STAC2: variants seen among roughly 807,000 people sequenced by gnomAD.
STAC2 encodes the protein SH3 and cysteine rich domain 2.
A neutral mutation model predicts 49.0 loss-of-function variants in STAC2; 36 were observed. That is an observed-to-expected ratio of 0.74 (90% CI 0.56 to 0.97). The LOEUF (loss-of-function observed/expected upper bound fraction) is 0.97, where lower values mean the gene tolerates loss of function less well. Among genes scored for constraint, STAC2 ranks in the 50% least tolerant of loss-of-function variants. The pLI is 0.00. For missense variants in STAC2, 527 were observed against 543.8 expected, an observed-to-expected ratio of 0.97 and a Z score of 0.31; for synonymous variants, 239 against 214.7, an observed-to-expected ratio of 1.11 and a Z score of -0.99.
intron 2 of STAC2, 144 bp from the exon 3 acceptor site, chr17:39,217,317 G>T (rs2046414613): frequency 2.7e-6 from 2 of 732,374 alleles, no homozygotes; most frequent in Non-Finnish European, 4.6e-6. Flanking sequence ...CACAGTCAGG[G>T]TATGAGGGAG....
chr17:39,211,161 G>A lies in STAC2; in HGVS notation c.*1131C>T, dbSNP rs974647252. The A allele has an allele frequency of 6.6e-6, 1 of 152,420 alleles. No individual in the cohort carries two copies. Among genetic ancestry groups the A allele is most frequent in the East Asian group, 1.9e-4 (1 of 5,324 alleles). The allele number at this position is 152,420 out of a possible 1,614,324, so 9.4% of individuals were successfully genotyped here. On this transcript the variant is annotated 3_prime_UTR_variant, in exon 11 of 11. Coordinates refer to ENST00000333461, the MANE Select transcript of STAC2 (RefSeq NM_198993.5). ...TGACAGTCACAGGCTCCCCTGGCGG[G>A]TGGTTCCTGTGTGACCGGGGGTCCT...
At chr17:39,215,380 C>T (rs1026671954) in intron 4 of STAC2, 150 bp from the exon 5 acceptor site, 6 of 748,684 alleles carry the variant, frequency 8.0e-6, no homozygotes, top group African/African-American at 3.5e-5. Context: ...CTGGGTCCTC[C>T]CATGGTGCCC....
intron 7 of STAC2, 27 bp downstream of exon 7, chr17:39,214,764 T>G (rs775837433): frequency 1.2e-6 from 2 of 1,612,146 alleles, no homozygotes; most frequent in Middle Eastern, 1.7e-4. Flanking sequence ...ACCCTGACCT[T>G]CCGGGCCAAT....
Position 39,212,145 on chromosome 17 carries a change from A to T in STAC2, c.*147T>A. On this transcript the variant is annotated 3_prime_UTR_variant, in exon 11 of 11. Transcript: ENST00000333461. ...AGAAATAAAATCTTCCCCAGTACAAAAGGCTCCTAAGCCACGGTAAGTGGC... is the reference window on the plus strand; with the variant it reads ...AGAAATAAAATCTTCCCCAGTACAATAGGCTCCTAAGCCACGGTAAGTGGC... 1 of 566,188 alleles carries T rather than the reference A, an allele frequency of 1.8e-6. No homozygotes were observed. Among genetic ancestry groups the T allele is most frequent in the Non-Finnish European group, 3.2e-6 (1 of 315,214 alleles). 35.1% of individuals were successfully genotyped at this position (566,188 alleles called of 1,614,324 possible). A position where few individuals can be genotyped will look rare whatever the true frequency, so the allele number is the denominator to read the frequency against.
rs116213058 is a variant in STAC2 at position 39,225,516 on chromosome 17, G to A, written c.-14C>T. On this transcript the variant is annotated 5_prime_UTR_variant, in exon 1 of 11. Transcript: ENST00000333461. The surrounding 1 kb of genome is among the most constrained non-coding windows in gnomAD (Gnocchi z 8.2). ...CATCTCGGTCATGGTTCGGGGAGAG[G>A]GGAGGAGAGGGTGCCGAGATCCGAC... The A allele has an allele frequency of 1.3e-3, 2,023 of 1,609,126 alleles. 23 individuals carry two copies. In the African/African-American group the frequency reaches 0.023, roughly 19 times the overall value.
Position 39,212,183 on chromosome 17 carries a change from G to A in STAC2, c.*109C>T. On this transcript the variant is annotated 3_prime_UTR_variant, in exon 11 of 11. Transcript: ENST00000333461. ...CACGGTAAGTGGCACCTAGGAGAGG[G>A]ACAGAGGGAGGAAGGGTATGGAGTG... 1 of 739,768 alleles carries A rather than the reference G, an allele frequency of 1.4e-6. No homozygotes were observed. Among genetic ancestry groups the A allele is most frequent in the East Asian group, 2.9e-5 (1 of 34,396 alleles). 45.8% of individuals were successfully genotyped at this position (739,768 alleles called of 1,614,324 possible).
At chr17:39,220,984 G>T (rs908326306) in intron 1 of STAC2, among the ~76,000 whole-genome samples, 34 of 149,512 alleles carry the variant, frequency 2.3e-4, no homozygotes, top group African/African-American at 7.9e-4. Flanking sequence ...TTTTAGTAGA[G>T]ACGGGGTTTC....
At position 39,217,876 on chromosome 17, in the gene STAC2, G is replaced by T; in HGVS notation, c.388C>A (p.Leu130Ile). 2 of 1,603,424 alleles carry T rather than the reference G, an allele frequency of 1.2e-6. No homozygotes were observed. The highest frequency in any genetic ancestry group is 1.7e-6 in the Non-Finnish European group (2 of 1,175,786). The stretch of plus-strand genomic sequence containing the variant: ...GTGCCCAGGCACCTACCTACGATGA[G>T]CTGGTGGCACAGCTCACAAGGGCTA... ...RASPCELCHQ[L>I]IVGNSKQGLR... Residue 130 changes from leucine (L) to isoleucine (I), a missense_variant, in exon 2 of 11, where the codon CTC becomes ATC. Transcript: ENST00000333461.
At chr17:39,220,135 G>A (rs2144253762) in intron 1 of STAC2, among the ~76,000 whole-genome samples, 1 of 152,304 alleles carries the variant, frequency 6.6e-6, no homozygotes, top group Non-Finnish European at 1.5e-5. Flanking sequence ...TAGCACTGTG[G>A]GCTTCTTTGT....
intron 4 of STAC2, among the ~76,000 whole-genome samples, chr17:39,216,195 TG>T (rs1168439058): frequency 6.6e-6 from 1 of 151,766 alleles, no homozygotes; most frequent in Non-Finnish European, 1.5e-5. Flanking sequence ...TTGCCCAGGC[TG>T]GACTCCAACT....
At chr17:39,214,146 A>G (rs1055842077) in intron 8 of STAC2, 87 bp downstream of exon 8, 2 of 1,444,500 alleles carry the variant, frequency 1.4e-6, no homozygotes, top group South Asian at 2.4e-5. Flanking sequence ...GCATGCAAGA[A>G]GGTTCCTGAA....
chr17:39,213,502 G>A lies in STAC2; in HGVS notation c.993+5C>T, dbSNP rs748160225. On this transcript the variant is annotated splice_donor_5th_base_variant and intron_variant, in intron 9 of 10. Coordinates refer to ENST00000333461, the MANE Select transcript of STAC2 (RefSeq NM_198993.5). ...GTCCCTCCACTCCCCACCCTGCCAA[G>A]TCACCTTCCACCAGTCCTCGTTAGA... is the stretch of plus-strand genomic sequence containing the variant. 2.5e-6 allele frequency: 4 copies of A among 1,613,526 alleles called. No individual in the cohort carries two copies. Among genetic ancestry groups the A allele is most frequent in the East Asian group, 2.2e-5 (1 of 44,842 alleles).
Position 39,225,478 on chromosome 17 carries a change from T to A in STAC2, c.25A>T (p.Asn9Tyr). The change falls in exon 1 of 11, where the codon AAC becomes TAC. Residue 9 changes from asparagine (N) to tyrosine (Y), a missense_variant. By Grantham distance (143) the Asn-to-Tyr change is moderately radical. Transcript: ENST00000333461. The surrounding 1 kb of genome is among the most constrained non-coding windows in gnomAD (Gnocchi z 8.2). ...TGGGTGGCCGCGTCATCCGGTTCGT[T>A]CTCCTTCTCGCTCATCTCGGTCATG... MTEMSEKE[N>Y]EPDDAATHSP... is the part of the protein sequence containing the mutation. 1 of 1,610,186 alleles carries A rather than the reference T, an allele frequency of 6.2e-7. No individual in the cohort carries two copies. The highest frequency in any genetic ancestry group is 8.5e-7 in the Non-Finnish European group (1 of 1,178,680).
rs369647071 is a variant in STAC2 at position 39,217,073 on chromosome 17, C to G, written c.495+3G>C. The G allele has an allele frequency of 7.4e-6, 12 of 1,613,816 alleles. No individual in the cohort carries two copies. The South Asian group carries it at 1.3e-4, about 18-fold the overall frequency. Reference sequence around the variant, plus strand: ...GGCCATCTCTGCCTGGGTCCCCGCTCACCGTCTTGCCTGGGCATTGCTGGT... The same window carrying G: ...GGCCATCTCTGCCTGGGTCCCCGCTGACCGTCTTGCCTGGGCATTGCTGGT... On this transcript the variant is annotated splice_donor_region_variant and intron_variant, in intron 3 of 10. Coordinates refer to ENST00000333461, the MANE Select transcript of STAC2 (RefSeq NM_198993.5).
Position 39,213,124 on chromosome 17 carries a change from G to C in STAC2, c.1002C>G (p.Ile334Met), listed in dbSNP as rs567405477. The C allele has an allele frequency of 6.2e-7, 1 of 1,607,784 alleles. No individual in the cohort carries two copies. The highest frequency in any genetic ancestry group is 8.5e-7 in the Non-Finnish European group (1 of 1,179,984). Reference protein sequence around the residue: ...DSNEDWWKGKIGDRVGFFPAN... With the variant: ...DSNEDWWKGKMGDRVGFFPAN... ...CTGGGAAGAAGCCAACCCGGTCGCC[G>C]ATCTTGCCCTGGGGATGAGGTTGGC... The change falls in exon 10 of 11, where the codon ATC becomes ATG. Residue 334 changes from isoleucine (I) to methionine (M), a missense_variant. Transcript: ENST00000333461.
rs35395054 is a variant in STAC2, at chr17:39,224,007, T to C, written c.90+1406A>G. On this transcript the variant is annotated intron_variant, in intron 1 of 10. Coordinates refer to ENST00000333461, the MANE Select transcript of STAC2 (RefSeq NM_198993.5). ...TAGAAGGGGGCAAGAGAGAGTCAGG[T>C]GTGCATGTGAAGACTTGAATGTGGA... 5.7e-3 allele frequency among the ~76,000 whole-genome samples: 867 copies of C among 152,198 alleles called. 4 individuals are homozygous for C. The highest frequency in any genetic ancestry group is 0.014 in the Middle Eastern group (4 of 294).
chr17:39,214,091 A>G (rs1207737607), intron 8 of STAC2, 142 bp downstream of exon 8: 14 of 900,114 alleles, frequency 1.6e-5, no homozygotes, highest in Non-Finnish European at 2.4e-5. Flanking sequence ...AGTCACTCTT[A>G]GACCCTGGGC....
Position 39,225,593 on chromosome 17 carries a change from A to G in STAC2, c.-91T>C. 1.6e-6 allele frequency: 2 copies of G among 1,257,888 alleles called. No homozygotes were observed. The highest frequency in any genetic ancestry group is 1.1e-6 in the Non-Finnish European group (1 of 883,034). The allele number at this position is 1,257,888 out of a possible 1,614,324, so 77.9% of individuals were successfully genotyped here. On this transcript the variant is annotated 5_prime_UTR_variant, in exon 1 of 11. Transcript: ENST00000333461. This position sits in a 1 kb window ranked among gnomAD's most constrained non-coding sequence, Gnocchi z 8.2. ...GGTGGCGGGCGTCTCCGGGACTCTG[A>G]AGCCGTTCTCCAGAGGCTGCCCCCA...
intron 1 of STAC2, among the ~76,000 whole-genome samples, chr17:39,221,753 G>C (rs1339466862): frequency 6.6e-6 from 1 of 152,042 alleles, no homozygotes; most frequent in Non-Finnish European, 1.5e-5. Context: ...GGCCCTGCCT[G>C]GGCCTCACCC....
Sources: allele counts gnomAD v4.1 joint callset (sites outside exome capture counted in the v4.1 genomes callset), GRCh38; gene constraint gnomAD v4.1.1; non-coding constraint Gnocchi (gnomAD v3.1); transcripts MANE v1.5; gene names NCBI Gene and HGNC (gene_info 2026-07-23, HGNC 2026-07-21).